The following SLC2A11 variants were observed in gnomAD, a reference collection of about 807,000 sequenced individuals.
SLC2A11 encodes solute carrier family 2 member 11.
SLC2A11 carries 43 observed loss-of-function variants against 52.1 expected under a neutral mutation model. That is an observed-to-expected ratio of 0.82 (90% CI 0.65 to 1.06). SLC2A11 has a LOEUF of 1.06. Ranked by LOEUF, SLC2A11 falls within the 50% of genes least tolerant of loss-of-function variation. SLC2A11 has a pLI of 0.00. For missense variants in SLC2A11, 582 were observed against 654.2 expected (o/e 0.89, Z 1.20); for synonymous variants, 261 against 277.6 (o/e 0.94, Z 0.59).
upstream of SLC2A11, chr22:23,856,965 G>A (rs371971417): frequency 2.5e-6 from 4 of 1,611,106 alleles, no homozygotes; most frequent in African/African-American, 2.7e-5. Context: ...TGCCCAGGAC[G>A]CACAGATGAG....
intron 2 of SLC2A11, among the ~76,000 whole-genome samples, chr22:23,863,608 GTTTTTTTT>G (rs71184923): frequency 1.2e-5 from 1 of 86,802 alleles, no homozygotes; most frequent in African/African-American, 4.6e-5. Context: ...TCTCTCTCTG[GTTTTTTTT>G]TTTTTTTTTT....
chr22:23,859,920 A>C (rs2031990764), intron 1 of SLC2A11, among the ~76,000 whole-genome samples: 1 of 152,236 alleles, frequency 6.6e-6, no homozygotes. Context: ...TTAATTCTAC[A>C]GAACAATTTG....
intron 3 of SLC2A11, chr22:23,871,166 T>G (rs12160730): frequency 0.18 from 27,545 of 149,010 alleles, 2,622 homozygotes; most frequent in African/African-American, 0.24. Context: ...AGCACTTTGG[T>G]AGACTGAGGC....
At chr22:23,873,335 G>C (rs554144056) in intron 3 of SLC2A11, 1 of 151,570 alleles carries the variant, frequency 6.6e-6, no homozygotes, top group African/African-American at 2.4e-5. Flanking sequence ...GTGTGCACGC[G>C]TGTGTGTAGC....
At chr22:23,869,020 A>T (rs1350954008) in intron 3 of SLC2A11, 4 of 200,468 alleles carry the variant, frequency 2.0e-5, no homozygotes, top group African/African-American at 9.2e-5. Context: ...AGCTGGAAGG[A>T]TAGTGGGGCA....
rs113643171 is a variant in SLC2A11 at position 23,860,734 on chromosome 22, T to C, written c.31-1370T>C. ...GGCGGCAGAGCAAAACTCCGTCTCT[T>C]TTTTTTTTTTGAGACGGAGTCTCAC... is the stretch of plus-strand genomic sequence containing the variant. On this transcript the variant is annotated intron_variant, in intron 1 of 11. Coordinates refer to ENST00000316185, the MANE Select transcript of SLC2A11 (RefSeq NM_001024939.4). Among the ~76,000 whole-genome samples, 43 of 54,888 alleles carry C rather than the reference T, an allele frequency of 7.8e-4. 1 individual carries two copies. Among genetic ancestry groups the C allele is most frequent in the South Asian group, 1.9e-3 (4 of 2,092 alleles). The allele number at this position is 54,888 out of a possible 152,430, so 36.0% of individuals were successfully genotyped here. A position where few individuals can be genotyped will look rare whatever the true frequency, so the allele number is the denominator to read the frequency against.
chr22:23,862,437 A>T (rs1298009558), intron 2 of SLC2A11: 1 of 497,960 alleles, frequency 2.0e-6, no homozygotes, highest in Non-Finnish European at 3.6e-6. Flanking sequence ...CCACCTAGTG[A>T]TGGGGGGTCA....
chr22:23,869,147 T>G (rs1160716444), intron 3 of SLC2A11: 2 of 158,186 alleles, frequency 1.3e-5, no homozygotes, highest in East Asian at 3.7e-4. Context: ...TCCAGGAGTT[T>G]GAGAACAGTC....
chr22:23,875,575 G>GT (rs1378463867), intron 4 of SLC2A11, among the ~76,000 whole-genome samples: 1 of 152,142 alleles, frequency 6.6e-6, no homozygotes, highest in African/African-American at 2.4e-5. Context: ...TATAGGATGA[G>GT]TTTTCTGATC....
At chr22:23,858,268 C>G in intron 1 of SLC2A11, 1 of 675,438 alleles carries the variant, frequency 1.5e-6, no homozygotes, top group Admixed American at 2.2e-5. Flanking sequence ...TCCCAGCCCC[C>G]AGAGATGCTA....
Position 23,884,643 on chromosome 22 carries a change from C to G in SLC2A11, c.1300-6C>G. On this transcript the variant is annotated splice_polypyrimidine_tract_variant and splice_region_variant and intron_variant, in intron 11 of 11. Transcript: ENST00000316185. The surrounding 1 kb of genome is among the most constrained non-coding windows in gnomAD (Gnocchi z 4.3). ...ACCAGGTCTTGGGGTCTTTTTTAAT[C>G]CGCAGGAGGCCTTGTCCCACTTCCT... 2 of 1,609,340 alleles carry G rather than the reference C, an allele frequency of 1.2e-6. No individual in the cohort carries two copies.
upstream of SLC2A11, chr22:23,857,587 C>CCA (rs71184920): frequency 1.4e-6 from 2 of 1,451,828 alleles, no homozygotes; most frequent in Non-Finnish European, 1.9e-6. Flanking sequence ...ACCCCCCCCC[C>CCA]GCGGCGGCGA....
At chr22:23,860,689 C>T (rs1275826758) in intron 1 of SLC2A11, among the ~76,000 whole-genome samples, 8 of 148,560 alleles carry the variant, frequency 5.4e-5, no homozygotes, top group Non-Finnish European at 8.9e-5. Context: ...GCCAAGATTG[C>T]GCCATTGCAC....
At chr22:23,863,226 A>G (rs1417939497) in intron 2 of SLC2A11, among the ~76,000 whole-genome samples, 1 of 151,984 alleles carries the variant, frequency 6.6e-6, no homozygotes, top group Non-Finnish European at 1.5e-5. Flanking sequence ...CACCCCAGAT[A>G]CCACCACCTT....
intron 3 of SLC2A11, chr22:23,870,139 C>G: frequency 1.5e-6 from 1 of 681,886 alleles, no homozygotes; most frequent in South Asian, 1.6e-5. Context: ...CATATCTGCA[C>G]CGTGGGGAGT....
intron 1 of SLC2A11, among the ~76,000 whole-genome samples, 196 bp from the exon 2 acceptor site, chr22:23,861,908 G>C (rs1294807113): frequency 1.3e-5 from 2 of 152,214 alleles, no homozygotes; most frequent in Non-Finnish European, 2.9e-5. Flanking sequence ...ACTCAGAACA[G>C]GAGGCTTGGG....
intron 3 of SLC2A11, chr22:23,872,557 G>C (rs996600180): frequency 6.6e-6 from 1 of 152,164 alleles, no homozygotes; most frequent in Non-Finnish European, 1.5e-5. Flanking sequence ...AGTACTCTGC[G>C]ATGTGAATTT....
In SLC2A11 at chr22:23,884,466, G is replaced by T; in HGVS notation, c.1299+37G>T. 6.3e-7 allele frequency: 1 copy of T among 1,598,894 alleles called. No individual in the cohort carries two copies. Among genetic ancestry groups the T allele is most frequent in the South Asian group, 1.1e-5 (1 of 89,074 alleles). The stretch of plus-strand genomic sequence containing the variant: ...CCTCCCGCTGGGGGCCCTGCCTTAG[G>T]CTGTGTCCCTGTCATCCTGAGAACC... On this transcript the variant is annotated intron_variant, in intron 11 of 11. Transcript: ENST00000316185. The surrounding 1 kb of genome is among the most constrained non-coding windows in gnomAD (Gnocchi z 4.3).
chr22:23,857,361 G>T, upstream of SLC2A11: 2 of 1,482,594 alleles, frequency 1.3e-6, no homozygotes, highest in East Asian at 2.4e-5. Flanking sequence ...GCACTTGCGA[G>T]GGCGAATGCA....
Sources: gnomAD v4.1 joint callset for allele counts (sites outside exome capture counted in the v4.1 genomes callset) on GRCh38, gnomAD v4.1.1 for gene constraint, Gnocchi (gnomAD v3.1) non-coding constraint, MANE v1.5 for transcripts, NCBI Gene and HGNC (gene_info 2026-07-23, HGNC 2026-07-21) for gene names.